WNT7B: variants seen among roughly 807,000 people sequenced by gnomAD.
WNT7B encodes Wnt family member 7B.
In WNT7B, 19 loss-of-function variants were observed where a neutral mutation model predicts 38.2. That is an observed-to-expected ratio of 0.50 (90% CI 0.35 to 0.73). The LOEUF (loss-of-function observed/expected upper bound fraction) is 0.73, where lower values mean the gene tolerates loss of function less well. Ranked by LOEUF, WNT7B falls within the 30% of genes least tolerant of loss-of-function variation. WNT7B has a pLI of 0.01. For missense variants in WNT7B, 423 were observed against 507.9 expected (o/e 0.83, Z 1.61); for synonymous variants, 243 against 209.3 (o/e 1.16, Z -1.39).
chr22:45,926,979 C>A, intron 3 of WNT7B: 1 of 985,426 alleles, frequency 1.0e-6, no homozygotes, highest in Non-Finnish European at 1.2e-6. Context: ...AAGGGGGTTC[C>A]CACCCCCTGG....
At chr22:45,946,808 T>C (rs1290024715) in intron 2 of WNT7B, among the ~76,000 whole-genome samples, 1 of 152,188 alleles carries the variant, frequency 6.6e-6, no homozygotes, top group Non-Finnish European at 1.5e-5. Context: ...CACCAGGTGA[T>C]GGAAAAGGGA....
intron 3 of WNT7B, chr22:45,926,909 A>T (rs111460594): frequency 1.0e-6 from 1 of 985,436 alleles, no homozygotes. Context: ...CCCACCCAGC[A>T]GGACGCTGTG....
chr22:45,927,301 G>A lies in WNT7B; in HGVS notation c.570+3797C>T, dbSNP rs144392270. On this transcript the variant is annotated intron_variant, in intron 3 of 3. Coordinates refer to ENST00000339464, the MANE Select transcript of WNT7B (RefSeq NM_058238.3). ...CGGCAGCCCATTAAAGGTCACCCCC[G>A]CCCCCCAGGGAGCTTGGGGAAGGGC... is the stretch of plus-strand genomic sequence containing the variant. 1.0e-4 allele frequency: 102 copies of A among 985,306 alleles called. 3 individuals are homozygous for A. In the East Asian group the frequency reaches 0.01, roughly 99 times the overall value. 61.0% of individuals were successfully genotyped at this position (985,306 alleles called of 1,614,324 possible). A position where few individuals can be genotyped will look rare whatever the true frequency, so the allele number is the denominator to read the frequency against.
At chr22:45,931,395 G>GC in intron 2 of WNT7B, 26 bp from the exon 3 acceptor site, 1 of 1,561,622 alleles carries the variant, frequency 6.4e-7, no homozygotes, top group Non-Finnish European at 8.6e-7. Context: ...GGTGCAGAAG[G>GC]TGAGACCCCA....
rs1294812863 is a variant in WNT7B at position 45,923,065 on chromosome 22, C to A, written c.841G>T (p.Asp281Tyr). 1 of 1,613,030 alleles carries A rather than the reference C, an allele frequency of 6.2e-7. No homozygotes were observed. Among genetic ancestry groups the A allele is most frequent in the African/African-American group, 1.3e-5 (1 of 74,944 alleles). The change falls in exon 4 of 4, where the codon GAC becomes TAC. Residue 281 changes from aspartate (D) to tyrosine (Y), a missense_variant. Asp to Tyr is a radical substitution (Grantham distance 160). Transcript: ENST00000339464. ...GTGCCCACGCTGCCCGTGGCCGCGT[C>A]CTCCTCGCAGTAGTTGGGCGACTTC... ...IEKSPNYCEEDAATGSVGTQG... is the reference protein window; with the variant it reads ...IEKSPNYCEEYAATGSVGTQG...
intron 2 of WNT7B, among the ~76,000 whole-genome samples, chr22:45,945,910 T>C (rs796196886): frequency 2.6e-5 from 4 of 152,310 alleles, no homozygotes; most frequent in African/African-American, 9.6e-5. Flanking sequence ...TGAGCATGGA[T>C]TAGGGGCAGT....
chr22:45,931,335 G>T lies in WNT7B; in HGVS notation c.333C>A (p.Thr111=). 2 of 1,595,646 alleles carry T rather than the reference G, an allele frequency of 1.3e-6. No individual in the cohort carries two copies. The highest frequency in any genetic ancestry group is 1.7e-6 in the Non-Finnish European group (2 of 1,177,978). ...SREAAFTYAI[T]AAGVAHAVTA... Reference sequence around the variant, plus strand: ...TGACGGCGTGCGCCACGCCAGCCGCGGTGATGGCGTACGTGAAGGCAGCCT... The same window carrying T: ...TGACGGCGTGCGCCACGCCAGCCGCTGTGATGGCGTACGTGAAGGCAGCCT... The change falls in exon 3 of 4, where the codon ACC becomes ACA. Residue 111 remains threonine, a synonymous_variant. Coordinates refer to ENST00000339464, the MANE Select transcript of WNT7B (RefSeq NM_058238.3).
intron 3 of WNT7B, chr22:45,925,650 C>T (rs1016091849): frequency 1.0e-6 from 1 of 985,298 alleles, no homozygotes; most frequent in African/African-American, 1.7e-5. Context: ...CTGGAAAAGC[C>T]CTTCCCTCCA....
At chr22:45,972,518 C>CGTCT (rs1294216678) in intron 1 of WNT7B, 1 of 171,896 alleles carries the variant, frequency 5.8e-6, no homozygotes, top group African/African-American at 2.4e-5. Context: ...GACCTCCGTC[C>CGTCT]GTCTGTCGGT....
chr22:45,942,915 T>G (rs1931690414), intron 2 of WNT7B, among the ~76,000 whole-genome samples: 1 of 148,806 alleles, frequency 6.7e-6, no homozygotes, highest in Non-Finnish European at 1.5e-5. Flanking sequence ...GTGTGTGCAG[T>G]GTGCACGTGT....
chr22:45,925,979 CCCCTGT>C, intron 3 of WNT7B: 1 of 943,304 alleles, frequency 1.1e-6, no homozygotes, highest in Non-Finnish European at 1.3e-6. Flanking sequence ...CCTCCTCCCT[CCCCTGT>C]CCCTGTCTCC....
Position 45,975,486 on chromosome 22 carries a change from G to A in WNT7B, c.71+1198C>T, listed in dbSNP as rs1601746330. ...GCTCAGGCTAGGACGGGGGCTTCCA[G>A]TCCTGCCTCTGAAGCCACTGGCTTT... On this transcript the variant is annotated intron_variant, in intron 1 of 3. Transcript: ENST00000339464. The surrounding 1 kb of genome is among the most constrained non-coding windows in gnomAD (Gnocchi z 6.6). 1.4e-6 allele frequency: 1 copy of A among 712,440 alleles called. No homozygotes were observed. Among genetic ancestry groups the A allele is most frequent in the Non-Finnish European group, 2.6e-6 (1 of 382,156 alleles). 44.1% of individuals were successfully genotyped at this position (712,440 alleles called of 1,614,324 possible). A position where few individuals can be genotyped will look rare whatever the true frequency, so the allele number is the denominator to read the frequency against.
At chr22:45,933,118 G>C (rs1931419494) in intron 2 of WNT7B, among the ~76,000 whole-genome samples, 1 of 152,182 alleles carries the variant, frequency 6.6e-6, no homozygotes, top group South Asian at 2.1e-4. Context: ...GTGAGGACTG[G>C]GATGGGGCCC....
At chr22:45,952,707 CT>C (rs1011259538) in intron 1 of WNT7B, among the ~76,000 whole-genome samples, 8 of 152,336 alleles carry the variant, frequency 5.3e-5, no homozygotes, top group African/African-American at 1.9e-4. Flanking sequence ...CCTGATGGGA[CT>C]TAGTGTGGAC....
intron 2 of WNT7B, among the ~76,000 whole-genome samples, chr22:45,945,193 C>T (rs902263371): frequency 6.6e-6 from 1 of 152,080 alleles, no homozygotes; most frequent in Non-Finnish European, 1.5e-5. Context: ...AAGTGATTCT[C>T]CTGCCTCAGC....
At chr22:45,934,224 G>C (rs1931454462) in intron 2 of WNT7B, among the ~76,000 whole-genome samples, 1 of 152,332 alleles carries the variant, frequency 6.6e-6, no homozygotes, top group African/African-American at 2.4e-5. Context: ...CAAAGTGCCT[G>C]GGGTCGGGGG....
chr22:45,955,696 G>A (rs1932042875), intron 1 of WNT7B, among the ~76,000 whole-genome samples: 1 of 152,210 alleles, frequency 6.6e-6, no homozygotes, highest in African/African-American at 2.4e-5. Context: ...CAGGCGAGAT[G>A]CCAGGTGGGA....
At chr22:45,970,156 C>T (rs1026064190) in intron 1 of WNT7B, among the ~76,000 whole-genome samples, 1 of 152,234 alleles carries the variant, frequency 6.6e-6, no homozygotes. Flanking sequence ...GGTTCCTCTC[C>T]GCTTGGGGAA....
At chr22:45,947,038 C>G (rs978951422) in intron 2 of WNT7B, among the ~76,000 whole-genome samples, 4 of 152,194 alleles carry the variant, frequency 2.6e-5, no homozygotes, top group African/African-American at 9.7e-5. Flanking sequence ...CAGCCCATGC[C>G]AGGGCACCCA....
Sources: gnomAD v4.1 joint callset for allele counts (sites outside exome capture counted in the v4.1 genomes callset) on GRCh38, gnomAD v4.1.1 for gene constraint, Gnocchi (gnomAD v3.1) non-coding constraint, MANE v1.5 for transcripts, NCBI Gene and HGNC (gene_info 2026-07-23, HGNC 2026-07-21) for gene names.